Variants in SEMA6D observed in about 807,000 individuals in gnomAD.
The protein encoded by SEMA6D is semaphorin-6D.
A neutral mutation model predicts 106.6 loss-of-function variants in SEMA6D; 35 were observed. The observed-to-expected ratio is 0.33, with a 90% CI of 0.25 to 0.44. The LOEUF (loss-of-function observed/expected upper bound fraction) is 0.44, where lower values mean the gene tolerates loss of function less well. Ranked by LOEUF, SEMA6D falls within the 20% of genes least tolerant of loss-of-function variation. The pLI, the probability that SEMA6D is intolerant of heterozygous loss-of-function variation, is 1.00. For synonymous variants in SEMA6D, 499 were observed against 487.7 expected, an observed-to-expected ratio of 1.02 and a Z score of -0.31; for missense variants, 1,185 against 1,345.9, an observed-to-expected ratio of 0.88 and a Z score of 1.87.
chr15:47,508,906 A>G (rs2044136966), intron 3 of SEMA6D, among the ~76,000 whole-genome samples: 1 of 152,204 alleles, frequency 6.6e-6, no homozygotes. Flanking sequence ...TAATATATTT[A>G]TAATGCATAG....
At chr15:47,305,495 T>TG (rs2036198754) in intron 1 of SEMA6D, among the ~76,000 whole-genome samples, 2 of 152,242 alleles carry the variant, frequency 1.3e-5, no homozygotes, top group Admixed American at 1.3e-4. Flanking sequence ...AGAGCATTCC[T>TG]TTCCTTGGTT....
At chr15:47,763,647 A>G (rs146005142) in intron 9 of SEMA6D, among the ~76,000 whole-genome samples, 1 of 152,318 alleles carries the variant, frequency 6.6e-6, no homozygotes, top group Non-Finnish European at 1.5e-5. Flanking sequence ...GATGCTTAGC[A>G]AAATAGGAAA....
intron 1 of SEMA6D, among the ~76,000 whole-genome samples, chr15:47,206,746 G>A (rs1447799566): frequency 1.3e-5 from 2 of 152,054 alleles, no homozygotes; most frequent in Non-Finnish European, 2.9e-5. Context: ...CAGCTCTACA[G>A]TATGAATGTG....
chr15:47,224,660 T>A (rs745859650), intron 1 of SEMA6D, among the ~76,000 whole-genome samples: 2 of 152,084 alleles, frequency 1.3e-5, no homozygotes, highest in Non-Finnish European at 2.9e-5. Context: ...ACACGGTAGA[T>A]GCTCAATAAA....
chr15:47,451,098 TGATGCAGA>T, intron 2 of SEMA6D, among the ~76,000 whole-genome samples: 1 of 152,132 alleles, frequency 6.6e-6, no homozygotes, highest in Middle Eastern at 3.4e-3. Flanking sequence ...TTAAAAGCAG[TGATGCAGA>T]GGCTTTCCTG....
intron 3 of SEMA6D, among the ~76,000 whole-genome samples, chr15:47,511,105 C>CT (rs1373246011): frequency 1.3e-5 from 2 of 152,086 alleles, no homozygotes; most frequent in Admixed American, 6.5e-5. Flanking sequence ...ATGAAACCAC[C>CT]TTTTCAATTA....
intron 2 of SEMA6D, among the ~76,000 whole-genome samples, chr15:47,437,586 GGTTA>G (rs959961161): frequency 1.4e-4 from 21 of 152,150 alleles, no homozygotes; most frequent in African/African-American, 3.4e-4. Context: ...AGCAGTATCT[GGTTA>G]GTTAAACTGT....
At chr15:47,368,939 G>A (rs147137252) in intron 1 of SEMA6D, among the ~76,000 whole-genome samples, 1 of 152,064 alleles carries the variant, frequency 6.6e-6, no homozygotes, top group African/African-American at 2.4e-5. Context: ...AATAATCTGT[G>A]GGTTCTTGGA....
At chr15:47,276,161 G>C in intron 1 of SEMA6D, among the ~76,000 whole-genome samples, 1 of 152,210 alleles carries the variant, frequency 6.6e-6, no homozygotes, top group South Asian at 2.1e-4. Flanking sequence ...AAGAACCTCT[G>C]TAACATAACA....
intron 3 of SEMA6D, among the ~76,000 whole-genome samples, chr15:47,553,039 G>T (rs929773627): frequency 2.0e-5 from 3 of 147,868 alleles, no homozygotes; most frequent in African/African-American, 7.5e-5. Flanking sequence ...CGAGAAGATG[G>T]GATTACCCAG....
chr15:47,387,432 A>G lies in SEMA6D; in HGVS notation c.-238-24961A>G, dbSNP rs145024737. Among the ~76,000 whole-genome samples, 255 of 152,332 alleles carry G rather than the reference A, an allele frequency of 1.7e-3. 1 individual carries two copies. The highest frequency in any genetic ancestry group is 6.0e-3 in the African/African-American group (248 of 41,576). On this transcript the variant is annotated intron_variant, in intron 1 of 19. Transcript: ENST00000558014. ...CCCATTACTAGTTTTGTGACCTTGT[A>G]TTAGTACCATAAACTTTTTGAGTCC...
intron 3 of SEMA6D, among the ~76,000 whole-genome samples, chr15:47,591,782 GGATGT>G (rs2076444993): frequency 6.6e-6 from 1 of 152,198 alleles, no homozygotes; most frequent in Non-Finnish European, 1.5e-5. Flanking sequence ...AGCAGCTTCA[GGATGT>G]TGAGAGAATT....
intron 1 of SEMA6D, among the ~76,000 whole-genome samples, chr15:47,244,508 A>C (rs1360653599): frequency 6.6e-6 from 1 of 152,138 alleles, no homozygotes; most frequent in Non-Finnish European, 1.5e-5. Flanking sequence ...ATGTTGTGAT[A>C]AATAGTATTA....
chr15:47,485,808 T>C (rs1416224424), intron 3 of SEMA6D, among the ~76,000 whole-genome samples: 3 of 152,180 alleles, frequency 2.0e-5, no homozygotes, highest in African/African-American at 7.2e-5. Flanking sequence ...TGCACCCAAC[T>C]TTGTGAGCAC....
intron 1 of SEMA6D, among the ~76,000 whole-genome samples, chr15:47,340,716 C>T (rs1250279256): frequency 6.6e-6 from 1 of 151,886 alleles, no homozygotes; most frequent in Non-Finnish European, 1.5e-5. Context: ...CATCACAGCC[C>T]CAGGCTTAAA....
At chr15:47,314,603 A>G in intron 1 of SEMA6D, among the ~76,000 whole-genome samples, 1 of 140,512 alleles carries the variant, frequency 7.1e-6, no homozygotes, top group African/African-American at 2.5e-5. Context: ...ATCTCAAAAA[A>G]AAAAAAAAAA....
intron 4 of SEMA6D, among the ~76,000 whole-genome samples, chr15:47,642,947 A>G (rs1460682173): frequency 6.6e-6 from 1 of 152,050 alleles, no homozygotes; most frequent in East Asian, 1.9e-4. Context: ...GGAGAGTAAG[A>G]TAGAGATGAA....
intron 1 of SEMA6D, among the ~76,000 whole-genome samples, chr15:47,749,070 C>CT (rs201718436): frequency 0.11 from 11,227 of 105,554 alleles, 653 homozygotes; most frequent in Middle Eastern, 0.23. Context: ...AGTTGTAAAT[C>CT]TTTTTTTTTC....
intron 4 of SEMA6D, among the ~76,000 whole-genome samples, chr15:47,638,123 A>C (rs566883272): frequency 2.2e-4 from 33 of 151,882 alleles, no homozygotes; most frequent in African/African-American, 7.0e-4. Context: ...ACAAAAAAAA[A>C]CCCAATTTCT....
Sources: allele counts gnomAD v4.1 joint callset (sites outside exome capture counted in the v4.1 genomes callset), GRCh38; gene constraint gnomAD v4.1.1; transcripts MANE v1.5; gene names NCBI Gene and HGNC (gene_info 2026-07-23, HGNC 2026-07-21).